Variants in ZMYM1 observed in about 807,000 individuals in gnomAD.
The protein encoded by ZMYM1 is zinc finger MYM-type containing 1.
ZMYM1 carries 39 observed loss-of-function variants against 60.0 expected under a neutral mutation model. That is an observed-to-expected ratio of 0.65 (90% confidence interval 0.50 to 0.85). The LOEUF (loss-of-function observed/expected upper bound fraction) is 0.85, where lower values mean the gene tolerates loss of function less well. Among genes scored for constraint, ZMYM1 ranks in the 40% least tolerant of loss-of-function variants. ZMYM1 has a pLI of 0.00. For missense variants in ZMYM1, 1,171 were observed against 1,309.5 expected, an observed-to-expected ratio of 0.89 and a Z score of 1.63; for synonymous variants, 413 against 454.0, an observed-to-expected ratio of 0.91 and a Z score of 1.15.
Position 35,097,380 on chromosome 1 carries a change from C to T in ZMYM1, c.233C>T (p.Pro78Leu). 1 of 1,614,008 alleles carries T rather than the reference C, an allele frequency of 6.2e-7. No homozygotes were observed. The highest frequency in any genetic ancestry group is 1.6e-4 in the Middle Eastern group (1 of 6,062). Residue 78 changes from proline to leucine, a missense_variant, in exon 4 of 10, where the codon CCT becomes CTT. Pro to Leu is a moderately conservative substitution (Grantham distance 98). Coordinates refer to ENST00000359858, the MANE Select transcript of ZMYM1 (RefSeq NM_024772.5). ...TCATCTGGCGTGAATAAAATGCTTC[C>T]TTCAGTTTCAACCACAGCTATTCAG... ...LASSGVNKML[P>L]SVSTTAIQVS...
downstream of ZMYM1, among the ~76,000 whole-genome samples, chr1:35,118,282 A>G (rs1638535032): frequency 6.6e-6 from 1 of 151,080 alleles, no homozygotes; most frequent in Admixed American, 6.6e-5. Flanking sequence ...TAACTCTAGT[A>G]TTGAATGTGT....
chr1:35,097,381 T>A lies in ZMYM1; in HGVS notation c.234T>A (p.Pro78=). The A allele has an allele frequency of 6.2e-7, 1 of 1,614,148 alleles. No homozygotes were observed. Among genetic ancestry groups the A allele is most frequent in the Non-Finnish European group, 8.5e-7 (1 of 1,180,014 alleles). Residue 78 remains proline (P), a synonymous_variant, in exon 4 of 10, where the codon CCT becomes CCA. Transcript: ENST00000359858. ...CATCTGGCGTGAATAAAATGCTTCC[T>A]TCAGTTTCAACCACAGCTATTCAGG... is the stretch of plus-strand genomic sequence containing the variant. ...LASSGVNKML[P]SVSTTAIQVS... is the part of the protein sequence containing the mutation.
Position 35,113,727 on chromosome 1 carries a change from A to G in ZMYM1, c.1897A>G (p.Ile633Val). 1 of 1,613,940 alleles carries G rather than the reference A, an allele frequency of 6.2e-7. No homozygotes were observed. ...EIIKTEMLQD[I>V]VNEINDSSAF... is the part of the protein sequence containing the mutation. ...AATAAAGACTGAAATGTTGCAGGAT[A>G]TTGTGAATGAGATCAATGACTCCTC... The change falls in exon 10 of 10, where the codon ATT becomes GTT. Residue 633 changes from isoleucine (I) to valine (V), a missense_variant. By Grantham distance (29) the Ile-to-Val change is conservative (BLOSUM62 3). Coordinates refer to ENST00000359858, the MANE Select transcript of ZMYM1 (RefSeq NM_024772.5).
intron 4 of ZMYM1, among the ~76,000 whole-genome samples, chr1:35,103,231 A>G (rs1643747991): frequency 6.6e-6 from 1 of 152,116 alleles, no homozygotes; most frequent in Admixed American, 6.6e-5. Flanking sequence ...AAAGTAAAAC[A>G]CCTTAAACAC....
At chr1:35,098,231 T>A (rs1643444904) in intron 4 of ZMYM1, among the ~76,000 whole-genome samples, 1 of 152,172 alleles carries the variant, frequency 6.6e-6, no homozygotes, top group Admixed American at 6.6e-5. Context: ...ATATTATATT[T>A]CTTTTATAAT....
intron 1 of ZMYM1, among the ~76,000 whole-genome samples, chr1:35,084,205 CCAGGTCACTA>C (rs1185606188): frequency 6.7e-6 from 1 of 148,546 alleles, no homozygotes; most frequent in Non-Finnish European, 1.5e-5. Context: ...TTGATGGATG[CCAGGTCACTA>C]CAGAACTTCT....
chr1:35,097,738 G>C (rs1643413657), intron 4 of ZMYM1, 172 bp downstream of exon 4: 1 of 696,814 alleles, frequency 1.4e-6, no homozygotes, highest in African/African-American at 1.8e-5. Flanking sequence ...TCCACCTCCT[G>C]GGTTCAAGCG....
intron 4 of ZMYM1, 52 bp downstream of exon 4, chr1:35,097,618 C>G: frequency 6.3e-7 from 1 of 1,590,604 alleles, no homozygotes; most frequent in Non-Finnish European, 8.6e-7. Context: ...TGTTCTTGAT[C>G]ATAGTCTTAG....
chr1:35,078,343 C>G (rs1642205668), upstream of ZMYM1, among the ~76,000 whole-genome samples: 1 of 151,990 alleles, frequency 6.6e-6, no homozygotes, highest in African/African-American at 2.4e-5. Context: ...TTGAGAATAT[C>G]TCCTTTAAAA....
Position 35,104,484 on chromosome 1 carries a change from T to A in ZMYM1, c.594+15T>A. ...AGACTGCTATTGTAAGTTCCAATTA[T>A]AACCTTTACAGGGATTCTGATGATT... On this transcript the variant is annotated intron_variant, in intron 5 of 9. Transcript: ENST00000359858. 1 of 1,609,582 alleles carries A rather than the reference T, an allele frequency of 6.2e-7. No individual in the cohort carries two copies. Among genetic ancestry groups the A allele is most frequent in the Non-Finnish European group, 8.5e-7 (1 of 1,176,966 alleles).
chr1:35,111,939 CATAA>C lies in ZMYM1; in HGVS notation c.1102+31_1102+34del, dbSNP rs767405290. On this transcript the variant is annotated intron_variant, in intron 8 of 9. Coordinates refer to ENST00000359858, the MANE Select transcript of ZMYM1 (RefSeq NM_024772.5). ...TAAAAGTTGATGTTAAGATATTTGA[CATAA>C]ATATTGTTTTGTCATACTTGATAAA... 24 of 1,566,300 alleles carry C rather than the reference CATAA, an allele frequency of 1.5e-5. No individual in the cohort carries two copies. The South Asian group carries it at 2.6e-4, about 17-fold the overall frequency.
chr1:35,060,217 T>A (rs1641847751), intron 1 of ZMYM1, among the ~76,000 whole-genome samples: 1 of 151,362 alleles, frequency 6.6e-6, no homozygotes, highest in African/African-American at 2.4e-5. Context: ...TTGCCCAGGC[T>A]AGAATGCAAT....
At chr1:35,074,842 T>G (rs1642138734), upstream of ZMYM1, among the ~76,000 whole-genome samples, 1 of 137,026 alleles carries the variant, frequency 7.3e-6, no homozygotes. Context: ...GCTCTGGTGT[T>G]GGACACATAT....
Position 35,061,820 on chromosome 1 carries a change from T to TTTTTTTTA in ZMYM1, c.-301+1898_-301+1899insTTTTATTT, listed in dbSNP as rs372684642. On this transcript the variant is annotated intron_variant, in intron 1 of 10. Coordinates refer to the ZMYM1 transcript ENST00000417119. ...TATAGACATCTTATTTCCCTTTTAT[T>TTTTTTTTA]TTTATTTATTTATTTATTTATTTAT... Among the ~76,000 whole-genome samples the TTTTTTTTA allele has an allele frequency of 8.2e-5, 12 of 145,644 alleles. No homozygotes were observed. The South Asian group carries it at 2.4e-3, about 29-fold the overall frequency.
intron 3 of ZMYM1, 148 bp from the exon 4 acceptor site, chr1:35,097,169 A>G (rs1643379031): frequency 2.3e-6 from 2 of 874,906 alleles, no homozygotes; most frequent in African/African-American, 1.7e-5. Context: ...GCAGTGAGCC[A>G]TGATCGTATC....
chr1:35,091,022 C>A (rs1420801418), intron 1 of ZMYM1, among the ~76,000 whole-genome samples: 1 of 151,772 alleles, frequency 6.6e-6, no homozygotes, highest in Non-Finnish European at 1.5e-5. Flanking sequence ...AAGAATAATT[C>A]CAGGTTAATC....
intron 4 of ZMYM1, among the ~76,000 whole-genome samples, chr1:35,098,644 C>T (rs908856471): frequency 2.0e-5 from 3 of 152,222 alleles, no homozygotes; most frequent in East Asian, 1.9e-4. Flanking sequence ...CAGTGGCTCA[C>T]GCCTGTTATC....
chr1:35,082,698 G>A (rs954645251), intron 1 of ZMYM1, among the ~76,000 whole-genome samples: 1 of 150,896 alleles, frequency 6.6e-6, no homozygotes, highest in Non-Finnish European at 1.5e-5. Context: ...TTCCTTTAGT[G>A]GCCGGGCGTG....
Position 35,083,898 on chromosome 1 carries a change from G to A in ZMYM1, c.-75+4456G>A, listed in dbSNP as rs548368859. Among the ~76,000 whole-genome samples, 59 of 152,288 alleles carry A rather than the reference G, an allele frequency of 3.9e-4. No individual in the cohort carries two copies. The South Asian group carries it at 0.011, about 27-fold the overall frequency. The stretch of plus-strand genomic sequence containing the variant: ...TTCCCAGAGTTCTGGGATTATAGGC[G>A]TGAGCCACCTTGCCTGGTATTTTCT... On this transcript the variant is annotated intron_variant, in intron 1 of 9. Coordinates refer to ENST00000359858, the MANE Select transcript of ZMYM1 (RefSeq NM_024772.5).
Sources: gnomAD v4.1 joint callset for allele counts (sites outside exome capture counted in the v4.1 genomes callset) on GRCh38, gnomAD v4.1.1 for gene constraint, MANE v1.5 for transcripts, NCBI Gene and HGNC (gene_info 2026-07-23, HGNC 2026-07-21) for gene names.